Variants in XKR4 observed in about 807,000 individuals in gnomAD.
XKR4 encodes XK related 4.
XKR4 carries 12 observed loss-of-function variants against 53.9 expected under a neutral mutation model. That is an observed-to-expected ratio of 0.22 (90% CI 0.14 to 0.36). XKR4 has a LOEUF of 0.36. XKR4 is among the 10% of genes least tolerant of loss of function. The pLI, the probability that XKR4 is intolerant of heterozygous loss-of-function variation, is 1.00. For missense variants in XKR4, 799 were observed against 859.5 expected (o/e 0.93, Z 0.88); for synonymous variants, 354 against 362.4 (o/e 0.98, Z 0.26).
chr8:55,127,728 C>G (rs1367523494), intron 1 of XKR4, among the ~76,000 whole-genome samples: 3 of 123,678 alleles, frequency 2.4e-5, no homozygotes, highest in African/African-American at 8.9e-5. Context: ...CTATCCCTCC[C>G]CCCTCCCCCA....
chr8:55,518,419 T>C (rs1286565967), intron 2 of XKR4, among the ~76,000 whole-genome samples: 7 of 152,166 alleles, frequency 4.6e-5, no homozygotes, highest in Admixed American at 3.9e-4. Context: ...ATTCTGAATA[T>C]ATGTTAAGCA....
chr8:55,289,198 T>C (rs998989369), intron 1 of XKR4, among the ~76,000 whole-genome samples: 1 of 152,128 alleles, frequency 6.6e-6, no homozygotes, highest in Non-Finnish European at 1.5e-5. Flanking sequence ...CTAGGTTAAA[T>C]GGAAGTTGCA....
chr8:55,354,940 G>C (rs1319827828), intron 1 of XKR4, among the ~76,000 whole-genome samples: 1 of 142,138 alleles, frequency 7.0e-6, no homozygotes, highest in Non-Finnish European at 1.5e-5. Context: ...TTTCATTCTT[G>C]TTGCCCAGGA....
intron 1 of XKR4, among the ~76,000 whole-genome samples, chr8:55,229,466 A>T (rs1032758136): frequency 6.6e-6 from 1 of 152,260 alleles, no homozygotes; most frequent in African/African-American, 2.4e-5. Flanking sequence ...TATTCCGTGC[A>T]GGGCTCAGGG....
chr8:55,202,039 A>T (rs1817582534), intron 1 of XKR4, among the ~76,000 whole-genome samples: 1 of 152,236 alleles, frequency 6.6e-6, no homozygotes, highest in South Asian at 2.1e-4. Flanking sequence ...ATTAAAGAAG[A>T]GTAACTGCTC....
intron 2 of XKR4, among the ~76,000 whole-genome samples, chr8:55,407,084 C>A (rs1342011060): frequency 2.0e-5 from 3 of 152,268 alleles, no homozygotes; most frequent in East Asian, 1.9e-4. Flanking sequence ...AGCCAGCAAA[C>A]CCCATCATGG....
rs1410136009 is a variant in XKR4 at position 55,532,859 on chromosome 8, T to A, written c.*8632T>A. The A allele has an allele frequency of 6.6e-6, 1 of 151,924 alleles. No individual in the cohort carries two copies. The highest frequency in any genetic ancestry group is 1.5e-5 in the Non-Finnish European group (1 of 67,996). The allele number at this position is 151,924 out of a possible 1,614,324, so 9.4% of individuals were successfully genotyped here. A position where few individuals can be genotyped will look rare whatever the true frequency, so the allele number is the denominator to read the frequency against. ...TATAAAGTTTTATGTTTTTATTATA[T>A]TTCCATCTACCAAATTGTTGACCTT... On this transcript the variant is annotated 3_prime_UTR_variant, in exon 3 of 3. Transcript: ENST00000327381.
At chr8:55,263,656 G>A (rs778386944) in intron 1 of XKR4, among the ~76,000 whole-genome samples, 14 of 152,192 alleles carry the variant, frequency 9.2e-5, no homozygotes, top group African/African-American at 3.4e-4. Context: ...AGTCCTTACT[G>A]TATTCCAATA....
chr8:55,212,519 G>A (rs1269506862), intron 1 of XKR4, among the ~76,000 whole-genome samples: 2 of 152,142 alleles, frequency 1.3e-5, no homozygotes, highest in African/African-American at 4.8e-5. Flanking sequence ...TCCAAGCGGA[G>A]GGAGGTATAA....
intron 1 of XKR4, among the ~76,000 whole-genome samples, chr8:55,195,518 G>A (rs1296770650): frequency 6.6e-6 from 1 of 151,306 alleles, no homozygotes; most frequent in Non-Finnish European, 1.5e-5. Flanking sequence ...GAAGTACAAT[G>A]GAAATAAAAA....
intron 2 of XKR4, among the ~76,000 whole-genome samples, chr8:55,474,484 T>G (rs2975956): frequency 0.77 from 116,396 of 152,010 alleles, 45,351 homozygotes; most frequent in African/African-American, 0.91. Flanking sequence ...AAAGTATAAA[T>G]ATTTTTCTAG....
At chr8:55,247,930 A>G in intron 1 of XKR4, among the ~76,000 whole-genome samples, 1 of 139,684 alleles carries the variant, frequency 7.2e-6, no homozygotes, top group East Asian at 2.1e-4. Context: ...GTCTCGGCTC[A>G]CTGCAACCTC....
intron 2 of XKR4, among the ~76,000 whole-genome samples, chr8:55,504,874 C>T (rs1806500378): frequency 6.6e-6 from 1 of 151,978 alleles, no homozygotes; most frequent in Non-Finnish European, 1.5e-5. Flanking sequence ...TCTTATAATT[C>T]TTTTTACTTC....
intron 2 of XKR4, among the ~76,000 whole-genome samples, chr8:55,416,280 G>A (rs1804844822): frequency 6.6e-6 from 1 of 152,138 alleles, no homozygotes; most frequent in Non-Finnish European, 1.5e-5. Context: ...ACGTAAGACT[G>A]GTTGTTCTTC....
chr8:55,374,320 G>T (rs77470970), intron 2 of XKR4, among the ~76,000 whole-genome samples: 13 of 152,368 alleles, frequency 8.5e-5, no homozygotes, highest in Admixed American at 7.8e-4. Context: ...AGCCTCATAA[G>T]GGGGAGCAGC....
chr8:55,140,600 T>C (rs1482112642), intron 1 of XKR4, among the ~76,000 whole-genome samples: 1 of 152,234 alleles, frequency 6.6e-6, no homozygotes. Flanking sequence ...TTTCAACTTC[T>C]GAGTTTGTTG....
At chr8:55,153,787 C>T (rs1032535341) in intron 1 of XKR4, among the ~76,000 whole-genome samples, 2 of 152,208 alleles carry the variant, frequency 1.3e-5, no homozygotes, top group African/African-American at 4.8e-5. Flanking sequence ...CAAAGATTTC[C>T]TCTGCCACTA....
intron 1 of XKR4, among the ~76,000 whole-genome samples, chr8:55,145,257 C>T (rs1816757178): frequency 6.6e-6 from 1 of 152,166 alleles, no homozygotes; most frequent in Non-Finnish European, 1.5e-5. Context: ...TTAATCCACT[C>T]ACACGCTCTG....
chr8:55,393,442 G>A (rs563333235), intron 2 of XKR4, among the ~76,000 whole-genome samples: 2 of 81,156 alleles, frequency 2.5e-5, no homozygotes, highest in Non-Finnish European at 3.7e-5. Context: ...AAGGAAGGAA[G>A]GAAGGAAGGA....
Sources: allele counts gnomAD v4.1 joint callset (sites outside exome capture counted in the v4.1 genomes callset), GRCh38; gene constraint gnomAD v4.1.1; transcripts MANE v1.5; gene names NCBI Gene and HGNC (gene_info 2026-07-23, HGNC 2026-07-21).